SPDYA: variants seen among roughly 807,000 people sequenced by gnomAD.
SPDYA encodes speedy protein A.
A neutral mutation model predicts 36.7 loss-of-function variants in SPDYA; 11 were observed. That is an observed-to-expected ratio of 0.30 (90% CI 0.19 to 0.50). The LOEUF (loss-of-function observed/expected upper bound fraction) is 0.50, where lower values mean the gene tolerates loss of function less well. Ranked by LOEUF, SPDYA falls within the 20% of genes least tolerant of loss-of-function variation. The pLI, the probability that SPDYA is intolerant of heterozygous loss-of-function variation, is 0.98. For missense variants in SPDYA, 287 were observed against 370.9 expected, an observed-to-expected ratio of 0.77 and a Z score of 1.86; for synonymous variants, 115 against 118.7, an observed-to-expected ratio of 0.97 and a Z score of 0.20.
chr2:28,822,454 A>G (rs2148082052), intron 5 of SPDYA, 44 bp downstream of exon 5: 1 of 1,107,728 alleles, frequency 9.0e-7, no homozygotes, highest in East Asian at 2.6e-5. Flanking sequence ...TATCTATTAT[A>G]TACATTACAC....
In SPDYA at chr2:28,850,217, G is replaced by T; in HGVS notation, c.*276G>T. On this transcript the variant is annotated 3_prime_UTR_variant, in exon 8 of 8. Coordinates refer to ENST00000334056, the MANE Select transcript of SPDYA (RefSeq NM_182756.4). ...GGAGTACTCAGTTAAGTTGTGGTTT[G>T]ACCTTCCTCAACTTGACAAGAAAAG... is the stretch of plus-strand genomic sequence containing the variant. 1 of 1,611,922 alleles carries T rather than the reference G, an allele frequency of 6.2e-7. No individual in the cohort carries two copies. Among genetic ancestry groups the T allele is most frequent in the South Asian group, 1.1e-5 (1 of 90,618 alleles).
At chr2:28,830,967 T>G (rs1280342296) in intron 6 of SPDYA, among the ~76,000 whole-genome samples, 1 of 152,216 alleles carries the variant, frequency 6.6e-6, no homozygotes, top group Non-Finnish European at 1.5e-5. Flanking sequence ...TACTTGCAAA[T>G]CTTAAGATTT....
intron 1 of SPDYA, among the ~76,000 whole-genome samples, chr2:28,812,898 T>TGA (rs1484902158): frequency 6.6e-6 from 1 of 151,664 alleles, no homozygotes; most frequent in Non-Finnish European, 1.5e-5. Context: ...TTTTACCTGA[T>TGA]GAGCACAGTT....
rs1667977641 is a variant in SPDYA at position 28,816,098 on chromosome 2, T to C, written c.84T>C (p.Pro28=). 4 of 1,613,888 alleles carry C rather than the reference T, an allele frequency of 2.5e-6. No individual in the cohort carries two copies. Among genetic ancestry groups the C allele is most frequent in the African/African-American group, 1.3e-5 (1 of 74,918 alleles). Residue 28 remains proline (P), a synonymous_variant, in exon 3 of 8, where the codon CCT becomes CCC. Transcript: ENST00000334056. ...VKSGSNRSHQ[P]KKPITLKRPI... is the part of the protein sequence containing the mutation. ...CAGGGTCAAATAGATCACATCAGCCTAAAAAGCCCATTACTCTGAAGCGTC... is the reference window on the plus strand; with the variant it reads ...CAGGGTCAAATAGATCACATCAGCCCAAAAAGCCCATTACTCTGAAGCGTC...
At chr2:28,849,807 A>T (rs770050992) in intron 7 of SPDYA, 43 bp from the exon 8 acceptor site, 48 of 1,148,944 alleles carry the variant, frequency 4.2e-5, no homozygotes, top group Admixed American at 9.6e-5. Flanking sequence ...TTTAAAATGG[A>T]CAGATACATA....
chr2:28,816,975 C>G (rs1667999105), intron 3 of SPDYA, among the ~76,000 whole-genome samples: 1 of 151,718 alleles, frequency 6.6e-6, no homozygotes, highest in Non-Finnish European at 1.5e-5. Flanking sequence ...ATGCTACAGT[C>G]TGGTAGATTG....
Position 28,811,848 on chromosome 2 carries a change from C to T in SPDYA, c.-93+901C>T, listed in dbSNP as rs982339745. On this transcript the variant is annotated intron_variant, in intron 1 of 7. Coordinates refer to ENST00000334056, the MANE Select transcript of SPDYA (RefSeq NM_182756.4). This position sits in a 1 kb window ranked among gnomAD's most constrained non-coding sequence, Gnocchi z 4.2. Reference sequence around the variant, plus strand: ...GCGGGCGCCTGTAATCCCAGCTCCTCGGGAGGCTGAGGCGGGAGAATCGCT... The same window carrying T: ...GCGGGCGCCTGTAATCCCAGCTCCTTGGGAGGCTGAGGCGGGAGAATCGCT... 1.3e-5 allele frequency among the ~76,000 whole-genome samples: 2 copies of T among 149,808 alleles called. No homozygotes were observed. Among genetic ancestry groups the T allele is most frequent in the African/African-American group, 4.9e-5 (2 of 40,528 alleles).
chr2:28,821,500 AG>A (rs1190816090), intron 4 of SPDYA, among the ~76,000 whole-genome samples: 4 of 152,092 alleles, frequency 2.6e-5, no homozygotes. Context: ...TGCGCCCGTC[AG>A]GAAGTTTTAA....
rs139003889 is a variant in SPDYA at position 28,814,144 on chromosome 2, A to G, written c.-92-469A>G. 3.5e-3 allele frequency among the ~76,000 whole-genome samples: 536 copies of G among 152,254 alleles called. 6 individuals carry two copies. The highest frequency in any genetic ancestry group is 0.012 in the African/African-American group (509 of 41,504). On this transcript the variant is annotated intron_variant, in intron 1 of 7. Coordinates refer to ENST00000334056, the MANE Select transcript of SPDYA (RefSeq NM_182756.4). Reference sequence around the variant, plus strand: ...TCAAAATGTAGCCCTGTGCTATCTAATATGGTAGCCACTGGCCACTTGTGT... The same window carrying G: ...TCAAAATGTAGCCCTGTGCTATCTAGTATGGTAGCCACTGGCCACTTGTGT...
chr2:28,840,889 C>A, intron 7 of SPDYA: 1 of 527,700 alleles, frequency 1.9e-6, no homozygotes, highest in Non-Finnish European at 2.4e-6. Flanking sequence ...TCATTTATCA[C>A]GAAGTATTTT....
rs1039209734 is a variant in SPDYA at position 28,811,171 on chromosome 2, G to A, written c.-93+224G>A. ...GGCTCTGGGCTGAGGGACCTGGCGA[G>A]GGAGGCAGTGGCCGCGCAGGTTGGG... On this transcript the variant is annotated intron_variant, in intron 1 of 7. Coordinates refer to ENST00000334056, the MANE Select transcript of SPDYA (RefSeq NM_182756.4). This position sits in a 1 kb window ranked among gnomAD's most constrained non-coding sequence, Gnocchi z 4.2. 21 of 152,376 alleles carry A rather than the reference G, an allele frequency of 1.4e-4. No homozygotes were observed. Among genetic ancestry groups the A allele is most frequent in the African/African-American group, 5.1e-4 (21 of 41,472 alleles). The allele number at this position is 152,376 out of a possible 1,614,324, so 9.4% of individuals were successfully genotyped here.
At chr2:28,819,820 TAAAAAAAAAAAAAAAAAA>T (rs1174507151) in intron 4 of SPDYA, among the ~76,000 whole-genome samples, 1 of 17,212 alleles carries the variant, frequency 5.8e-5, no homozygotes, top group Non-Finnish European at 9.2e-5. Context: ...CCTGGTCTCT[TAAAAAAAAAAAAAAAAAA>T]AAAAAAAAAA....
intron 7 of SPDYA, among the ~76,000 whole-genome samples, chr2:28,840,984 G>GAGTGC (rs1247698323): frequency 2.1e-5 from 3 of 145,702 alleles, no homozygotes; most frequent in African/African-American, 7.6e-5. Flanking sequence ...GCCCAGGCTG[G>GAGTGC]AGTGCAGTGG....
chr2:28,849,691 C>T, intron 7 of SPDYA, 159 bp from the exon 8 acceptor site: 1 of 524,218 alleles, frequency 1.9e-6, no homozygotes, highest in Non-Finnish European at 3.4e-6. Flanking sequence ...TCTTTTGTTA[C>T]AATTTTTAAG....
chr2:28,823,727 A>ATATATATATATATG (rs1668233793), intron 5 of SPDYA, among the ~76,000 whole-genome samples: 1 of 109,718 alleles, frequency 9.1e-6, no homozygotes, highest in Non-Finnish European at 2.0e-5. Context: ...ATATATATAT[A>ATATATATATATATG]TATATATATA....
chr2:28,839,629 G>A (rs1017532970), intron 6 of SPDYA, among the ~76,000 whole-genome samples: 1 of 152,156 alleles, frequency 6.6e-6, no homozygotes, highest in African/African-American at 2.4e-5. Context: ...AGCCTCCTGA[G>A]TAGCTGGGAC....
chr2:28,839,091 A>C (rs1311125629), intron 6 of SPDYA, among the ~76,000 whole-genome samples: 1 of 152,174 alleles, frequency 6.6e-6, no homozygotes, highest in East Asian at 1.9e-4. Flanking sequence ...CTATGTGATG[A>C]TTTTACTCAT....
At chr2:28,832,967 G>A (rs1209894528) in intron 6 of SPDYA, among the ~76,000 whole-genome samples, 1 of 151,464 alleles carries the variant, frequency 6.6e-6, no homozygotes, top group Non-Finnish European at 1.5e-5. Context: ...AGCCTCCCAA[G>A]TAGCTGGGAC....
chr2:28,812,598 TGTAA>T (rs1263309968), intron 1 of SPDYA, among the ~76,000 whole-genome samples: 1 of 152,092 alleles, frequency 6.6e-6, no homozygotes, highest in Non-Finnish European at 1.5e-5. Context: ...GTCTCACGCC[TGTAA>T]TCCCAGCGCT....
Sources: allele counts gnomAD v4.1 joint callset (sites outside exome capture counted in the v4.1 genomes callset), GRCh38; gene constraint gnomAD v4.1.1; non-coding constraint Gnocchi (gnomAD v3.1); transcripts MANE v1.5; gene names NCBI Gene and HGNC (gene_info 2026-07-23, HGNC 2026-07-21).